Variants in ACSS3 observed in about 807,000 individuals in gnomAD.
ACSS3 encodes acyl-CoA synthetase short chain family member 3.
In ACSS3, 64 loss-of-function variants were observed where a neutral mutation model predicts 84.2. That is an observed-to-expected ratio of 0.76 (90% confidence interval 0.62 to 0.94). The LOEUF is 0.94. ACSS3 is among the 40% of genes least tolerant of loss of function. The probability of loss-of-function intolerance (pLI) is 0.00; values close to 1 mark genes in which losing one functional copy is unlikely to be tolerated. For synonymous variants in ACSS3, 317 were observed against 310.1 expected (o/e 1.02, Z -0.23); for missense variants, 815 against 867.6 (o/e 0.94, Z 0.76).
chr12:81,238,519 T>C (rs2033697956), intron 13 of ACSS3, among the ~76,000 whole-genome samples: 1 of 151,814 alleles, frequency 6.6e-6, no homozygotes, highest in South Asian at 2.1e-4. Flanking sequence ...TTTTGGAAGT[T>C]TATTAATTGT....
chr12:81,084,173 C>T (rs1881171948), intron 1 of ACSS3, among the ~76,000 whole-genome samples: 1 of 152,076 alleles, frequency 6.6e-6, no homozygotes, highest in South Asian at 2.1e-4. Context: ...GTTTGCAGTG[C>T]CTCGTAAGGC....
At chr12:81,216,012 G>A (rs1223951142) in intron 9 of ACSS3, among the ~76,000 whole-genome samples, 1 of 152,032 alleles carries the variant, frequency 6.6e-6, no homozygotes, top group Non-Finnish European at 1.5e-5. Flanking sequence ...TAACATCCAG[G>A]AACAGCAGAC....
At chr12:81,188,802 G>A (rs2031413731) in intron 8 of ACSS3, among the ~76,000 whole-genome samples, 2 of 151,976 alleles carry the variant, frequency 1.3e-5, no homozygotes, top group South Asian at 2.1e-4. Flanking sequence ...TAAGTTGGCA[G>A]ATACAGTCAT....
chr12:81,216,890 T>C lies in ACSS3; in HGVS notation c.1355-11T>C, dbSNP rs778124703. ...AAAACATGAAGTGATAAATAACATT[T>C]CTTTTTCCAGAGACTGGATCTCCAA... is the stretch of plus-strand genomic sequence containing the variant. On this transcript the variant is annotated splice_polypyrimidine_tract_variant and intron_variant, in intron 9 of 15. Transcript: ENST00000548058. 3 of 1,601,112 alleles carry C rather than the reference T, an allele frequency of 1.9e-6. No individual in the cohort carries two copies. Among genetic ancestry groups the C allele is most frequent in the East Asian group, 4.5e-5 (2 of 44,636 alleles).
chr12:81,090,172 A>G (rs1881582556), intron 1 of ACSS3, among the ~76,000 whole-genome samples: 1 of 151,984 alleles, frequency 6.6e-6, no homozygotes, highest in African/African-American at 2.4e-5. Context: ...CTGTTTTCCC[A>G]GAGCCAACTT....
At chr12:81,251,670 A>AAAAAAAAG (rs2034157885) in intron 13 of ACSS3, among the ~76,000 whole-genome samples, 1 of 105,202 alleles carries the variant, frequency 9.5e-6, no homozygotes, top group Non-Finnish European at 2.1e-5. Context: ...CATCTCTACA[A>AAAAAAAAG]AAAAAAAAAA....
chr12:81,139,824 A>G (rs1285230856), intron 4 of ACSS3, among the ~76,000 whole-genome samples: 1 of 151,488 alleles, frequency 6.6e-6, no homozygotes, highest in East Asian at 1.9e-4. Flanking sequence ...TTTAGTAGAG[A>G]CGGGGTTTCA....
chr12:81,099,763 T>C (rs1203420496), intron 1 of ACSS3, among the ~76,000 whole-genome samples: 1 of 152,136 alleles, frequency 6.6e-6, no homozygotes, highest in Admixed American at 6.6e-5. Flanking sequence ...AATATTTGAA[T>C]AGTAAATACA....
intron 13 of ACSS3, among the ~76,000 whole-genome samples, chr12:81,253,101 T>C (rs753308175): frequency 6.6e-6 from 1 of 152,206 alleles, no homozygotes; most frequent in Non-Finnish European, 1.5e-5. Flanking sequence ...ATGGGGATTC[T>C]AAGCATTCAC....
At chr12:81,184,452 C>T (rs1479720021) in intron 8 of ACSS3, among the ~76,000 whole-genome samples, 4 of 151,568 alleles carry the variant, frequency 2.6e-5, no homozygotes, top group Non-Finnish European at 5.9e-5. Context: ...AGCAGTAAAT[C>T]AAATGAAGTA....
chr12:81,194,135 TA>T (rs1420356850), intron 8 of ACSS3, among the ~76,000 whole-genome samples: 1 of 151,780 alleles, frequency 6.6e-6, no homozygotes, highest in Non-Finnish European at 1.5e-5. Flanking sequence ...ATGCCTAAGA[TA>T]ACTATAAAAT....
chr12:81,227,199 A>G (rs1593220342), intron 11 of ACSS3, among the ~76,000 whole-genome samples: 2 of 151,876 alleles, frequency 1.3e-5, no homozygotes, highest in East Asian at 3.9e-4. Context: ...AAGTTCTTCA[A>G]CTGATGGGAT....
chr12:81,251,340 G>A (rs2034144522), intron 13 of ACSS3, among the ~76,000 whole-genome samples: 1 of 152,118 alleles, frequency 6.6e-6, no homozygotes, highest in African/African-American at 2.4e-5. Flanking sequence ...GGCATGTACA[G>A]AGTAGACCAT....
intron 1 of ACSS3, among the ~76,000 whole-genome samples, chr12:81,086,305 G>GT (rs1298579178): frequency 6.6e-6 from 1 of 152,020 alleles, no homozygotes; most frequent in African/African-American, 2.4e-5. Context: ...TTTTAAGAAG[G>GT]TATCTGCTTG....
chr12:81,244,872 CTCTGTT>C (rs1281765351), intron 13 of ACSS3, among the ~76,000 whole-genome samples: 4 of 151,594 alleles, frequency 2.6e-5, no homozygotes, highest in Non-Finnish European at 4.4e-5. Context: ...TCATATGAAA[CTCTGTT>C]TCTAATGCTT....
Position 81,256,363 on chromosome 12 carries a change from T to A in ACSS3, c.*1441T>A, listed in dbSNP as rs2034297938. The A allele has an allele frequency of 6.6e-6, 1 of 152,214 alleles. No homozygotes were observed. Among genetic ancestry groups the A allele is most frequent in the Non-Finnish European group, 1.5e-5 (1 of 68,030 alleles). The allele number at this position is 152,214 out of a possible 1,614,324, so 9.4% of individuals were successfully genotyped here. ...ACTTCTAAAAATCTCTTAAATGTTT[T>A]TTTTAAATAATTGTAAAGTGAGTTT... On this transcript the variant is annotated 3_prime_UTR_variant, in exon 16 of 16. Coordinates refer to ENST00000548058, the MANE Select transcript of ACSS3 (RefSeq NM_024560.4).
At chr12:81,080,103 G>T (rs1880875563) in intron 1 of ACSS3, among the ~76,000 whole-genome samples, 1 of 152,054 alleles carries the variant, frequency 6.6e-6, no homozygotes, top group African/African-American at 2.4e-5. Flanking sequence ...TAAAACTAAT[G>T]TGCAGAGAAT....
At chr12:81,192,101 G>A (rs1487584414) in intron 8 of ACSS3, among the ~76,000 whole-genome samples, 2 of 152,076 alleles carry the variant, frequency 1.3e-5, no homozygotes, top group African/African-American at 4.8e-5. Context: ...AGCTATTTTG[G>A]CCGGGTGCGG....
At chr12:81,172,966 T>A (rs777697474) in intron 7 of ACSS3, among the ~76,000 whole-genome samples, 1 of 152,168 alleles carries the variant, frequency 6.6e-6, no homozygotes, top group Non-Finnish European at 1.5e-5. Flanking sequence ...TTTAGCTTAT[T>A]GAGAAAATAT....
Sources: allele counts gnomAD v4.1 joint callset (sites outside exome capture counted in the v4.1 genomes callset), GRCh38; gene constraint gnomAD v4.1.1; transcripts MANE v1.5; gene names NCBI Gene and HGNC (gene_info 2026-07-23, HGNC 2026-07-21).